Variants in UNC13C observed in about 807,000 individuals in gnomAD.
UNC13C encodes the protein unc-13 homolog C.
Under a neutral mutation model 245.4 loss-of-function variants are expected in UNC13C, and 174 were observed. The observed-to-expected ratio is 0.71, with a 90% CI of 0.63 to 0.80. UNC13C has a LOEUF of 0.80. UNC13C is among the 30% of genes least tolerant of loss of function. The pLI is 0.00. For missense variants in UNC13C, 2,829 were observed against 2,602.9 expected (o/e 1.09, Z -1.89); for synonymous variants, 992 against 895.1 (o/e 1.11, Z -1.93).
intron 4 of UNC13C, among the ~76,000 whole-genome samples, chr15:54,230,824 C>G (rs8023723): frequency 0.53 from 81,080 of 151,762 alleles, 22,819 homozygotes; most frequent in African/African-American, 0.71. Flanking sequence ...CCCACATTGC[C>G]TACCTATATC....
chr15:54,024,495 A>C (rs1055992957), intron 2 of UNC13C, among the ~76,000 whole-genome samples: 1 of 152,174 alleles, frequency 6.6e-6, no homozygotes, highest in African/African-American at 2.4e-5. Context: ...ACTCAAATAG[A>C]ACTGTTTCCT....
intron 2 of UNC13C, chr15:54,049,006 G>T (rs1897160185): frequency 5.3e-6 from 2 of 378,210 alleles, no homozygotes; most frequent in African/African-American, 2.1e-5. Flanking sequence ...CCAAGTTTGA[G>T]AATTTTTTCT....
chr15:54,209,095 T>C (rs1489141398), intron 4 of UNC13C, among the ~76,000 whole-genome samples: 1 of 152,108 alleles, frequency 6.6e-6, no homozygotes, highest in Non-Finnish European at 1.5e-5. Context: ...CAAACTAGTC[T>C]TTTAGGCCCT....
intron 13 of UNC13C, among the ~76,000 whole-genome samples, chr15:54,315,713 T>G (rs1180255937): frequency 1.3e-5 from 2 of 151,778 alleles, no homozygotes; most frequent in South Asian, 2.1e-4. Context: ...CTTAAGCTCA[T>G]AGTTGACTAG....
At chr15:53,846,180 A>G in the UNC13C span, among the ~76,000 whole-genome samples, 1 of 152,138 alleles carries the variant, frequency 6.6e-6, no homozygotes, top group Non-Finnish European at 1.5e-5. Context: ...CATATTTTCA[A>G]TTTACGATGG....
chr15:54,208,437 A>G (rs1211694832), intron 4 of UNC13C, among the ~76,000 whole-genome samples: 2 of 152,130 alleles, frequency 1.3e-5, no homozygotes, highest in African/African-American at 4.8e-5. Flanking sequence ...TTATTATTGA[A>G]CATGTCAAAG....
chr15:54,043,859 C>T (rs1473612092), intron 2 of UNC13C, among the ~76,000 whole-genome samples: 1 of 152,124 alleles, frequency 6.6e-6, no homozygotes, highest in Non-Finnish European at 1.5e-5. Flanking sequence ...CCCTTTGGGC[C>T]TTGTATCACT....
intron 30 of UNC13C, among the ~76,000 whole-genome samples, chr15:54,586,729 T>C (rs1197484401): frequency 1.3e-5 from 2 of 152,220 alleles, no homozygotes; most frequent in African/African-American, 4.8e-5. Context: ...ATCATGCAGA[T>C]GCAAGTAATG....
At chr15:54,040,954 A>G (rs577047891) in intron 2 of UNC13C, among the ~76,000 whole-genome samples, 12 of 152,214 alleles carry the variant, frequency 7.9e-5, no homozygotes, top group African/African-American at 2.4e-4. Context: ...AGCATACCCA[A>G]TTCCCCTCAC....
intron 2 of UNC13C, among the ~76,000 whole-genome samples, chr15:54,063,006 C>A (rs114950445): frequency 2.6e-5 from 4 of 152,082 alleles, no homozygotes; most frequent in Admixed American, 2.0e-4. Flanking sequence ...CATTAGTTCC[C>A]GTTAGGGATA....
At chr15:54,119,647 C>G (rs2030527028) in intron 2 of UNC13C, among the ~76,000 whole-genome samples, 1 of 152,052 alleles carries the variant, frequency 6.6e-6, no homozygotes, top group African/African-American at 2.4e-5. Context: ...AATGATTAAG[C>G]TTAGCGGGGA....
chr15:54,580,919 C>T (rs564836159), intron 30 of UNC13C, among the ~76,000 whole-genome samples: 1 of 152,260 alleles, frequency 6.6e-6, no homozygotes, highest in African/African-American at 2.4e-5. Context: ...ACCCCTTCTC[C>T]ATACACTCCA....
intron 2 of UNC13C, among the ~76,000 whole-genome samples, chr15:54,097,646 C>CA (rs1435858344): frequency 6.6e-6 from 1 of 152,064 alleles, no homozygotes; most frequent in Non-Finnish European, 1.5e-5. Flanking sequence ...GGAGTGGATC[C>CA]AGAAGGAGTT....
At chr15:54,185,172 C>T (rs1325564660) in intron 4 of UNC13C, among the ~76,000 whole-genome samples, 1 of 151,138 alleles carries the variant, frequency 6.6e-6, no homozygotes, top group Non-Finnish European at 1.5e-5. Context: ...GATATTAGCC[C>T]TTTGTCAGAT....
intron 5 of UNC13C, among the ~76,000 whole-genome samples, chr15:54,235,515 C>A (rs907736895): frequency 1.3e-5 from 2 of 152,140 alleles, no homozygotes; most frequent in African/African-American, 4.8e-5. Context: ...ATACAGCAAG[C>A]AGATAACATT....
intron 2 of UNC13C, among the ~76,000 whole-genome samples, chr15:54,028,345 G>A (rs752475980): frequency 2.6e-5 from 4 of 152,050 alleles, no homozygotes; most frequent in East Asian, 1.9e-4. Context: ...ATTGAACATC[G>A]GACAACAATG....
intron 30 of UNC13C, among the ~76,000 whole-genome samples, chr15:54,572,172 T>G (rs1478398384): frequency 1.3e-5 from 2 of 151,930 alleles, no homozygotes; most frequent in East Asian, 3.9e-4. Flanking sequence ...GTATCTAAAC[T>G]CTGTGCCCTG....
rs575602321 is a variant in UNC13C at position 54,254,137 on chromosome 15, T to G, written c.3448+3693T>G. On this transcript the variant is annotated intron_variant, in intron 8 of 32. Transcript: ENST00000260323. ...TTAATAAAACCTGTTTAACATACTC[T>G]TGTTTGCAAATTAGATATTGATTCT... Among the ~76,000 whole-genome samples the G allele has an allele frequency of 2.6e-5, 4 of 152,352 alleles. No individual in the cohort carries two copies. In the East Asian group the frequency reaches 7.7e-4, roughly 29 times the overall value.
chr15:53,875,574 A>AGCTAG, the UNC13C span, among the ~76,000 whole-genome samples: 3 of 152,166 alleles, frequency 2.0e-5, no homozygotes, highest in Non-Finnish European at 4.4e-5. Context: ...TGAGTTTTTA[A>AGCTAG]GCTAGAGTAA....
Sources: gnomAD v4.1 joint callset for allele counts (sites outside exome capture counted in the v4.1 genomes callset) on GRCh38, gnomAD v4.1.1 for gene constraint, MANE v1.5 for transcripts, NCBI Gene and HGNC (gene_info 2026-07-23, HGNC 2026-07-21) for gene names.